Variants in AGMO observed in about 807,000 individuals in gnomAD.
AGMO encodes the protein alkylglycerol monooxygenase, also known as glyceryl-ether monooxygenase.
Under a neutral mutation model 60.2 loss-of-function variants are expected in AGMO, and 75 were observed. The ratio of observed to expected loss-of-function variants is 1.25; its 90% CI spans 1.03 to 1.51. The LOEUF is 1.51. Among genes scored for constraint, AGMO ranks in the 40% most tolerant of loss-of-function variants. The pLI is 0.00. For missense variants in AGMO, 763 were observed against 525.5 expected (o/e 1.45, Z -4.42); for synonymous variants, 261 against 177.1 (o/e 1.47, Z -3.76).
intron 11 of AGMO, among the ~76,000 whole-genome samples, 179 bp from the exon 12 acceptor site, chr7:15,365,798 G>C (rs556415919): frequency 6.6e-6 from 1 of 151,814 alleles, no homozygotes; most frequent in Non-Finnish European, 1.5e-5. Flanking sequence ...CATCTTTTTC[G>C]GGAAAATCTG....
the AGMO span, among the ~76,000 whole-genome samples, chr7:15,123,279 T>G: frequency 6.6e-6 from 1 of 152,078 alleles, no homozygotes. Flanking sequence ...TTATTTTTGT[T>G]TATCTACAGA....
At chr7:15,418,675 A>AC in intron 4 of AGMO, 22 bp from the exon 5 acceptor site, 1 of 1,429,436 alleles carries the variant, frequency 7.0e-7, no homozygotes, top group Non-Finnish European at 9.6e-7. Flanking sequence ...AATTAAAAAA[A>AC]AATTAATTTG....
At chr7:15,225,635 A>T (rs1005551296) in intron 12 of AGMO, among the ~76,000 whole-genome samples, 1 of 151,978 alleles carries the variant, frequency 6.6e-6, no homozygotes, top group Admixed American at 6.6e-5. Flanking sequence ...CTTAAGTTGA[A>T]TATTTTTTTA....
the AGMO span, among the ~76,000 whole-genome samples, chr7:15,190,841 T>G: frequency 1.3e-5 from 2 of 152,118 alleles, no homozygotes; most frequent in Admixed American, 6.6e-5. Context: ...TGCTCTCATT[T>G]TTTTTTTTCA....
the AGMO span, among the ~76,000 whole-genome samples, chr7:15,147,364 C>T: frequency 7.2e-5 from 11 of 152,156 alleles, no homozygotes; most frequent in East Asian, 3.9e-4. Flanking sequence ...ACAATCATGG[C>T]GGAAGATGAA....
At chr7:15,398,965 A>C (rs1784480246) in intron 5 of AGMO, among the ~76,000 whole-genome samples, 1 of 152,182 alleles carries the variant, frequency 6.6e-6, no homozygotes, top group Non-Finnish European at 1.5e-5. Flanking sequence ...CCATTGAATA[A>C]AAATAATTTA....
At chr7:15,286,054 C>T (rs1784088790) in intron 12 of AGMO, among the ~76,000 whole-genome samples, 1 of 152,044 alleles carries the variant, frequency 6.6e-6, no homozygotes, top group Admixed American at 6.6e-5. Flanking sequence ...CCCTATCTCT[C>T]ACCTTATATA....
intron 12 of AGMO, among the ~76,000 whole-genome samples, chr7:15,244,957 T>A (rs188877456): frequency 1.2e-4 from 18 of 152,302 alleles, no homozygotes; most frequent in African/African-American, 4.1e-4. Flanking sequence ...CGGCCAGTAT[T>A]TACTCATTCT....
chr7:15,508,512 G>A (rs1397808152), intron 3 of AGMO, among the ~76,000 whole-genome samples: 1 of 152,094 alleles, frequency 6.6e-6, no homozygotes, highest in Non-Finnish European at 1.5e-5. Context: ...AACATGTTCT[G>A]TTAGGAAGTG....
At chr7:15,546,522 G>A (rs942086347) in intron 2 of AGMO, among the ~76,000 whole-genome samples, 1 of 152,246 alleles carries the variant, frequency 6.6e-6, no homozygotes, top group African/African-American at 2.4e-5. Context: ...CATTCTTCCT[G>A]AGGGCAGACC....
At chr7:15,268,817 G>T (rs1325945671) in intron 12 of AGMO, among the ~76,000 whole-genome samples, 1 of 151,902 alleles carries the variant, frequency 6.6e-6, no homozygotes, top group African/African-American at 2.4e-5. Context: ...ATGTAAAGAT[G>T]AAATTATTTT....
intron 3 of AGMO, among the ~76,000 whole-genome samples, chr7:15,528,797 C>G (rs867008154): frequency 6.6e-6 from 1 of 152,000 alleles, no homozygotes; most frequent in Non-Finnish European, 1.5e-5. Flanking sequence ...TACAGGCATG[C>G]GCCACCACAC....
intron 12 of AGMO, among the ~76,000 whole-genome samples, chr7:15,354,416 G>T (rs1387663152): frequency 5.1e-5 from 1 of 19,766 alleles, no homozygotes; most frequent in Non-Finnish European, 7.8e-5. Flanking sequence ...ACACACGTGT[G>T]TGTATACACA....
At chr7:15,351,677 G>A (rs1268229548) in intron 12 of AGMO, among the ~76,000 whole-genome samples, 3 of 152,146 alleles carry the variant, frequency 2.0e-5, no homozygotes, top group Non-Finnish European at 4.4e-5. Context: ...ATAATGACAT[G>A]TTCATGCAAT....
chr7:15,167,291 C>T, the AGMO span, among the ~76,000 whole-genome samples: 98,762 of 151,324 alleles, frequency 0.65, 32,325 homozygotes, highest in East Asian at 0.73. Context: ...AAACAACTCA[C>T]ATAATTTCAA....
intron 3 of AGMO, among the ~76,000 whole-genome samples, chr7:15,455,957 A>G (rs2128507113): frequency 6.6e-6 from 1 of 152,226 alleles, no homozygotes; most frequent in South Asian, 2.1e-4. Flanking sequence ...GAGGTCTCAG[A>G]AATTTTCTTA....
intron 4 of AGMO, among the ~76,000 whole-genome samples, chr7:15,429,982 G>A (rs1781180352): frequency 7.0e-6 from 1 of 142,480 alleles, no homozygotes; most frequent in Non-Finnish European, 1.5e-5. Flanking sequence ...TTAAGATCAG[G>A]GGTCCTGGAA....
chr7:15,233,708 T>C (rs1782327606), intron 12 of AGMO, among the ~76,000 whole-genome samples: 1 of 152,106 alleles, frequency 6.6e-6, no homozygotes, highest in Non-Finnish European at 1.5e-5. Flanking sequence ...CAGTATGTAG[T>C]TGGGCACATC....
intron 12 of AGMO, among the ~76,000 whole-genome samples, chr7:15,259,162 C>T (rs1321916231): frequency 1.3e-5 from 2 of 151,904 alleles, no homozygotes; most frequent in East Asian, 1.9e-4. Context: ...AAACATGATA[C>T]AGAATATGAA....
Sources: gnomAD v4.1 joint callset for allele counts (sites outside exome capture counted in the v4.1 genomes callset) on GRCh38, gnomAD v4.1.1 for gene constraint, MANE v1.5 for transcripts, NCBI Gene and HGNC (gene_info 2026-07-23, HGNC 2026-07-21) for gene names.